PTPRD: variants seen among roughly 807,000 people sequenced by gnomAD.
PTPRD encodes the protein receptor-type tyrosine-protein phosphatase delta.
A neutral mutation model predicts 214.5 loss-of-function variants in PTPRD; 34 were observed. The ratio of observed to expected loss-of-function variants is 0.16; its 90% CI spans 0.12 to 0.21. The LOEUF (loss-of-function observed/expected upper bound fraction) is 0.21. PTPRD is among the 10% of genes least tolerant of loss of function. The pLI is 1.00. For synonymous variants in PTPRD, 1,128 were observed against 845.7 expected, an observed-to-expected ratio of 1.33 and a Z score of -5.79; for missense variants, 2,545 against 2,398.7, an observed-to-expected ratio of 1.06 and a Z score of -1.27.
intron 3 of PTPRD, among the ~76,000 whole-genome samples, chr9:10,117,757 G>C (rs1461555729): frequency 6.6e-6 from 1 of 151,080 alleles, no homozygotes; most frequent in African/African-American, 2.4e-5. Flanking sequence ...CATGTTTTTT[G>C]GTGAAACAAT....
At chr9:8,703,779 T>A in intron 12 of PTPRD, among the ~76,000 whole-genome samples, 1 of 152,164 alleles carries the variant, frequency 6.6e-6, no homozygotes, top group East Asian at 1.9e-4. Flanking sequence ...CCCAGCCCAG[T>A]TTTCTGAGTT....
rs542248734 is a variant in PTPRD at position 9,180,328 on chromosome 9, T to A, written c.-143+2976A>T. Among the ~76,000 whole-genome samples, 12 of 151,786 alleles carry A rather than the reference T, an allele frequency of 7.9e-5. No individual in the cohort carries two copies. In the South Asian group the frequency reaches 2.5e-3, roughly 32 times the overall value. ...TGGATGAAACTGGAAACCATCATTC[T>A]CAGCAAACTATCGCAAGGACAAAAA... On this transcript the variant is annotated intron_variant, in intron 10 of 45. Coordinates refer to ENST00000381196, the MANE Select transcript of PTPRD (RefSeq NM_002839.4).
chr9:8,612,701 G>A lies in PTPRD; in HGVS notation c.352+20616C>T, dbSNP rs566000716. Among the ~76,000 whole-genome samples the A allele has an allele frequency of 5.9e-4, 90 of 152,334 alleles. 2 individuals are homozygous for A. The highest frequency in any genetic ancestry group is 4.4e-5 in the Non-Finnish European group (3 of 68,036). On this transcript the variant is annotated intron_variant, in intron 14 of 45. Transcript: ENST00000381196. ...GTGTTTTGGAGGGATGTTCACTGAG[G>A]TGAGAAGAGGATGACAACTTCTGGG...
At chr9:9,757,341 G>C (rs1175057445) in intron 6 of PTPRD, among the ~76,000 whole-genome samples, 1 of 152,150 alleles carries the variant, frequency 6.6e-6, no homozygotes, top group African/African-American at 2.4e-5. Flanking sequence ...ATGTAAGGAA[G>C]TATACATTGG....
intron 9 of PTPRD, among the ~76,000 whole-genome samples, chr9:9,364,807 G>A (rs1012519792): frequency 2.0e-5 from 3 of 151,448 alleles, no homozygotes; most frequent in Admixed American, 6.6e-5. Context: ...GATGTGACCT[G>A]ACTTCATTTC....
At chr9:10,535,177 T>C (rs1165045808) in intron 2 of PTPRD, among the ~76,000 whole-genome samples, 1 of 152,086 alleles carries the variant, frequency 6.6e-6, no homozygotes, top group Non-Finnish European at 1.5e-5. Flanking sequence ...CAAGGGACCA[T>C]TTATCACAAA....
At chr9:9,972,388 A>G (rs963047777) in intron 4 of PTPRD, among the ~76,000 whole-genome samples, 1 of 152,202 alleles carries the variant, frequency 6.6e-6, no homozygotes, top group African/African-American at 2.4e-5. Flanking sequence ...CTGTTTCGGT[A>G]ACTGTCATGA....
intron 14 of PTPRD, among the ~76,000 whole-genome samples, chr9:8,562,341 C>A (rs995614855): frequency 1.3e-5 from 2 of 151,994 alleles, no homozygotes; most frequent in African/African-American, 4.8e-5. Flanking sequence ...TATATTGTCA[C>A]CTTTCTAAGA....
chr9:10,446,866 G>A (rs1210929163), intron 2 of PTPRD, among the ~76,000 whole-genome samples: 1 of 152,152 alleles, frequency 6.6e-6, no homozygotes, highest in East Asian at 1.9e-4. Context: ...TGGGCCTAAT[G>A]TTTGTGCCAC....
intron 9 of PTPRD, among the ~76,000 whole-genome samples, chr9:9,323,745 G>C (rs1968007445): frequency 6.6e-6 from 1 of 152,070 alleles, no homozygotes; most frequent in East Asian, 1.9e-4. Flanking sequence ...ACAATGTGCA[G>C]GTTTGTTACA....
Position 8,486,292 on chromosome 9 carries a change from T to C in PTPRD, c.2525A>G (p.Gln842Arg), listed in dbSNP as rs2135974973. The stretch of plus-strand genomic sequence containing the variant: ...AAATGTGTCCACCGGAGGGTGCCAC[T>C]GAATAAGAGCAGTATTCATCTGAGT... The part of the protein sequence containing the change: ...NHTQMNTALI[Q>R]WHPPVDTFGP... Residue 842 changes from glutamine to arginine, a missense_variant, in exon 28 of 46, where the codon CAG becomes CGG. Coordinates refer to ENST00000381196, the MANE Select transcript of PTPRD (RefSeq NM_002839.4). 6.2e-7 allele frequency: 1 copy of C among 1,614,206 alleles called. No homozygotes were observed. The highest frequency in any genetic ancestry group is 8.5e-7 in the Non-Finnish European group (1 of 1,180,012).
At chr9:8,718,508 T>C (rs760734958) in intron 12 of PTPRD, among the ~76,000 whole-genome samples, 6 of 152,182 alleles carry the variant, frequency 3.9e-5, no homozygotes, top group Non-Finnish European at 8.8e-5. Context: ...CAGTGGTTTC[T>C]GCTGCTTACA....
intron 7 of PTPRD, among the ~76,000 whole-genome samples, chr9:9,595,405 C>T (rs12350167): frequency 1.4e-5 from 2 of 143,772 alleles, no homozygotes; most frequent in African/African-American, 2.7e-5. Context: ...TACATATATA[C>T]ATATATATAC....
intron 12 of PTPRD, among the ~76,000 whole-genome samples, chr9:8,714,637 G>A (rs1419698815): frequency 6.6e-6 from 1 of 152,050 alleles, no homozygotes; most frequent in Non-Finnish European, 1.5e-5. Flanking sequence ...TCTTTGGACT[G>A]GCTGTTTTCC....
intron 6 of PTPRD, among the ~76,000 whole-genome samples, chr9:9,738,903 G>C (rs879651786): frequency 2.6e-5 from 4 of 151,976 alleles, no homozygotes; most frequent in Non-Finnish European, 5.9e-5. Context: ...TCTACATATA[G>C]CTTTACATCT....
chr9:9,304,762 C>G (rs921157811), intron 9 of PTPRD, among the ~76,000 whole-genome samples: 1 of 151,214 alleles, frequency 6.6e-6, no homozygotes, highest in East Asian at 1.9e-4. Context: ...AGCCTGGCTG[C>G]TGGCCTAATG....
In PTPRD at chr9:9,069,537, C is replaced by T. The variant is rs188290495; in HGVS notation, c.-142-50802G>A. On this transcript the variant is annotated intron_variant, in intron 10 of 45. Coordinates refer to ENST00000381196, the MANE Select transcript of PTPRD (RefSeq NM_002839.4). ...CAAAGCAAGAAGAGTTATCATGATG[C>T]TACCTTAACTGTTCAGTAACAACCT... 2.3e-3 allele frequency among the ~76,000 whole-genome samples: 355 copies of T among 152,226 alleles called. 3 individuals are homozygous for T. The highest frequency in any genetic ancestry group is 8.1e-3 in the African/African-American group (335 of 41,564).
chr9:8,547,021 C>T (rs1008845827), intron 14 of PTPRD, among the ~76,000 whole-genome samples: 3 of 152,206 alleles, frequency 2.0e-5, no homozygotes, highest in African/African-American at 7.2e-5. Context: ...TTTCCTGCTC[C>T]ACTGTCATAC....
intron 12 of PTPRD, among the ~76,000 whole-genome samples, chr9:8,684,650 G>C (rs1246513520): frequency 2.0e-5 from 3 of 151,986 alleles, no homozygotes; most frequent in Non-Finnish European, 2.9e-5. Flanking sequence ...TATATATGTT[G>C]AAAAATAATA....
Sources: gnomAD v4.1 joint callset for allele counts (sites outside exome capture counted in the v4.1 genomes callset) on GRCh38, gnomAD v4.1.1 for gene constraint, MANE v1.5 for transcripts, NCBI Gene and HGNC (gene_info 2026-07-23, HGNC 2026-07-21) for gene names.